The following CEP57L1 variants were observed in gnomAD, a reference collection of about 807,000 sequenced individuals.
CEP57L1 encodes the protein centrosomal protein 57 like 1, also known as centrosomal protein CEP57L1.
A neutral mutation model predicts 61.0 loss-of-function variants in CEP57L1; 37 were observed. The observed-to-expected ratio is 0.61, with a 90% CI of 0.47 to 0.80. The LOEUF is 0.80. Among genes scored for constraint, CEP57L1 ranks in the 30% least tolerant of loss-of-function variants. CEP57L1 has a pLI of 0.00. For missense variants in CEP57L1, 422 were observed against 524.7 expected (o/e 0.80, Z 1.91); for synonymous variants, 137 against 162.3 (o/e 0.84, Z 1.19).
chr6:109,142,448 C>T (rs550782550), intron 1 of CEP57L1, among the ~76,000 whole-genome samples: 2 of 152,130 alleles, frequency 1.3e-5, no homozygotes, highest in South Asian at 4.2e-4. Context: ...ACAACATACA[C>T]CAGGGCCTGT....
At position 109,168,290 on chromosome 6, in the gene CEP57L1, T is replaced by C. The variant is rs1425497850; in HGVS notation, c.*5320T>C. On this transcript the variant is annotated 3_prime_UTR_variant, in exon 11 of 11. Transcript: ENST00000517392. ...CAGTCTATAATCCAATTCAAAGGCA[T>C]GAGTGGAAAAAGTGGGTATGAAACA... Among the ~76,000 whole-genome samples the C allele has an allele frequency of 6.6e-6, 1 of 152,122 alleles. No homozygotes were observed. Among genetic ancestry groups the C allele is most frequent in the Non-Finnish European group, 1.5e-5 (1 of 68,020 alleles).
chr6:109,103,567 C>A (rs1770576823), intron 1 of CEP57L1, among the ~76,000 whole-genome samples: 1 of 152,118 alleles, frequency 6.6e-6, no homozygotes, highest in Non-Finnish European at 1.5e-5. Context: ...TTCCATCTTT[C>A]AGGAATAAAT....
chr6:109,122,352 G>T (rs928852273), intron 1 of CEP57L1, among the ~76,000 whole-genome samples: 3 of 151,886 alleles, frequency 2.0e-5, no homozygotes, highest in African/African-American at 7.3e-5. Context: ...CTGAATGCTG[G>T]GTTTATTTTT....
rs1772476399 is a variant in CEP57L1, at chr6:109,150,362, G to A, written c.462+123G>A. 5.3e-6 allele frequency: 6 copies of A among 1,127,618 alleles called. No homozygotes were observed. The East Asian group carries it at 1.6e-4, about 30-fold the overall frequency. The allele number at this position is 1,127,618 out of a possible 1,614,324, so 69.9% of individuals were successfully genotyped here. ...TGTTAGAATGAGGTCTAACTTACGT[G>A]TAATTGGAGTTTCAAAAGGAAAGGA... On this transcript the variant is annotated intron_variant, in intron 4 of 10. Coordinates refer to ENST00000517392, the MANE Select transcript of CEP57L1 (RefSeq NM_001271852.3).
chr6:109,145,648 T>C (rs945239863), intron 2 of CEP57L1, among the ~76,000 whole-genome samples: 5 of 151,926 alleles, frequency 3.3e-5, no homozygotes, highest in Non-Finnish European at 5.9e-5. Flanking sequence ...GAAAATACTC[T>C]TTGAAGAATA....
intron 10 of CEP57L1, among the ~76,000 whole-genome samples, chr6:109,161,900 G>C (rs1773749071): frequency 6.6e-6 from 1 of 151,924 alleles, no homozygotes; most frequent in African/African-American, 2.4e-5. Flanking sequence ...AGAGAACTAG[G>C]TACTCCCCCA....
At position 109,159,393 on chromosome 6, in the gene CEP57L1, C is replaced by T; in HGVS notation, c.947C>T (p.Ser316Phe). ...GCTATTCCTCCTGACTCAGAAAAGT[C>T]CATTTCCATTTGTGACAATTTATCT... ...CKAIPPDSEK[S>F]ISICDNLSEL... is the part of the protein sequence containing the mutation. Residue 316 changes from serine to phenylalanine, a missense_variant, in exon 9 of 11, where the codon TCC (serine) becomes TTC (phenylalanine). By Grantham distance (155) the Ser-to-Phe change is radical. Transcript: ENST00000517392. 2 of 1,613,946 alleles carry T rather than the reference C, an allele frequency of 1.2e-6. No homozygotes were observed. Among genetic ancestry groups the T allele is most frequent in the East Asian group, 4.5e-5 (2 of 44,874 alleles).
At chr6:109,100,341 G>A (rs939469970) in intron 1 of CEP57L1, 1 of 152,072 alleles carries the variant, frequency 6.6e-6, no homozygotes, top group East Asian at 1.9e-4. Flanking sequence ...ATGGATGGAC[G>A]AGGGTACATT....
chr6:109,159,029 CTA>C lies in CEP57L1; in HGVS notation c.750_751del (p.Lys251MetfsTer22). 6.2e-7 allele frequency: 1 copy of C among 1,605,000 alleles called. No individual in the cohort carries two copies. The highest frequency in any genetic ancestry group is 8.5e-7 in the Non-Finnish European group (1 of 1,177,884). ...TTTTTTCTTGCCAATCTCTAGAAAA[CTA>C]AATGTATAAAGAGACGACCACCTTG... On this transcript the variant is annotated frameshift_variant, in exon 8 of 11. Coordinates refer to ENST00000517392, the MANE Select transcript of CEP57L1 (RefSeq NM_001271852.3). LOFTEE classifies it high-confidence loss of function.
chr6:109,114,580 A>T (rs1227500865), intron 1 of CEP57L1, among the ~76,000 whole-genome samples: 3 of 152,158 alleles, frequency 2.0e-5, no homozygotes, highest in Admixed American at 6.6e-5. Context: ...TAAGCCAGGG[A>T]CAGAGAAACA....
chr6:109,139,142 G>A (rs1471324646), intron 1 of CEP57L1, among the ~76,000 whole-genome samples: 1 of 152,174 alleles, frequency 6.6e-6, no homozygotes, highest in Non-Finnish European at 1.5e-5. Flanking sequence ...AACCAAGGTG[G>A]CCACCAAACA....
intron 1 of CEP57L1, among the ~76,000 whole-genome samples, chr6:109,130,223 C>T (rs891868744): frequency 6.6e-6 from 1 of 152,120 alleles, no homozygotes; most frequent in Non-Finnish European, 1.5e-5. Flanking sequence ...TCACTCCCCC[C>T]CAGCAACCAC....
intron 1 of CEP57L1, among the ~76,000 whole-genome samples, chr6:109,144,966 CAT>C (rs1380743010): frequency 1.3e-5 from 2 of 151,994 alleles, no homozygotes; most frequent in Non-Finnish European, 2.9e-5. Context: ...TCAAATCACT[CAT>C]GTGATGCTTA....
rs1774030620 is a variant in CEP57L1 at position 109,165,375 on chromosome 6, T to C, written c.*2405T>C. On this transcript the variant is annotated 3_prime_UTR_variant, in exon 11 of 11. Transcript: ENST00000517392. ...AAGCACCCAGCAGAAGAGTTGACAC[T>C]TATTAAACACTCAATAAATATTTTT... 6.6e-6 allele frequency among the ~76,000 whole-genome samples: 1 copy of C among 151,438 alleles called. No individual in the cohort carries two copies. Among genetic ancestry groups the C allele is most frequent in the African/African-American group, 2.4e-5 (1 of 41,132 alleles).
At chr6:109,136,030 A>G (rs1295907589) in intron 1 of CEP57L1, among the ~76,000 whole-genome samples, 1 of 152,202 alleles carries the variant, frequency 6.6e-6, no homozygotes, top group Non-Finnish European at 1.5e-5. Flanking sequence ...ATCTAGAACT[A>G]GAAATACCAT....
chr6:109,096,150 A>G (rs958501611), intron 1 of CEP57L1, among the ~76,000 whole-genome samples: 24 of 152,254 alleles, frequency 1.6e-4, no homozygotes, highest in Non-Finnish European at 1.5e-5. Flanking sequence ...GCTTAAAATT[A>G]GTTTGCTTTT....
chr6:109,141,399 T>C (rs112050879), intron 1 of CEP57L1, among the ~76,000 whole-genome samples: 3 of 151,210 alleles, frequency 2.0e-5, no homozygotes, highest in African/African-American at 7.3e-5. Flanking sequence ...GTATTTTTAG[T>C]AGTGACAGGG....
intron 2 of CEP57L1, 47 bp from the exon 3 acceptor site, chr6:109,146,711 G>T: frequency 7.8e-7 from 1 of 1,280,376 alleles, no homozygotes; most frequent in Non-Finnish European, 1.1e-6. Flanking sequence ...GATTGTAAGT[G>T]TTCAGAAACT....
At chr6:109,142,554 AC>A (rs1771499718) in intron 1 of CEP57L1, among the ~76,000 whole-genome samples, 1 of 152,100 alleles carries the variant, frequency 6.6e-6, no homozygotes. Context: ...CACGTTCTGC[AC>A]ATGTATTCCA....
Sources: allele counts gnomAD v4.1 joint callset (sites outside exome capture counted in the v4.1 genomes callset), GRCh38; gene constraint gnomAD v4.1.1; transcripts MANE v1.5; gene names NCBI Gene and HGNC (gene_info 2026-07-23, HGNC 2026-07-21).